The following EFL1 variants were observed in gnomAD, a reference collection of about 807,000 sequenced individuals.
The protein encoded by EFL1 is elongation factor-like GTPase 1.
In EFL1, 76 loss-of-function variants were observed where a neutral mutation model predicts 126.7. The observed-to-expected ratio is 0.60, with a 90% CI of 0.50 to 0.73. The LOEUF (loss-of-function observed/expected upper bound fraction) is 0.73. Ranked by LOEUF, EFL1 falls within the 30% of genes least tolerant of loss-of-function variation. EFL1 has a pLI of 0.00. For synonymous variants in EFL1, 410 were observed against 448.4 expected (o/e 0.91, Z 1.08); for missense variants, 1,128 against 1,343.2 (o/e 0.84, Z 2.50).
chr15:82,205,811 T>G (rs1245010165), intron 15 of EFL1, among the ~76,000 whole-genome samples: 2 of 152,222 alleles, frequency 1.3e-5, no homozygotes, highest in African/African-American at 4.8e-5. Flanking sequence ...ATGGGCTTAT[T>G]AGTAGATAAA....
At chr15:82,211,461 G>A (rs1220191951) in intron 15 of EFL1, among the ~76,000 whole-genome samples, 3 of 151,096 alleles carry the variant, frequency 2.0e-5, no homozygotes, top group African/African-American at 7.3e-5. Flanking sequence ...GGGAGGCGGA[G>A]GTTACAGTGA....
At chr15:82,161,795 T>A (rs117170201) in intron 16 of EFL1, among the ~76,000 whole-genome samples, 2,279 of 152,274 alleles carry the variant, frequency 0.015, 24 homozygotes, top group East Asian at 0.024. Context: ...AGGAACTTAA[T>A]CTTACTATGA....
chr15:82,199,255 C>T (rs2074441687), intron 15 of EFL1, among the ~76,000 whole-genome samples: 1 of 151,984 alleles, frequency 6.6e-6, no homozygotes, highest in Non-Finnish European at 1.5e-5. Flanking sequence ...TAAAGGCCAC[C>T]CAGGTATATT....
intron 13 of EFL1, 115 bp from the exon 14 acceptor site, chr15:82,219,933 AG>A: frequency 6.7e-7 from 1 of 1,489,228 alleles, no homozygotes; most frequent in Non-Finnish European, 9.0e-7. Flanking sequence ...AGGAAAAAAA[AG>A]AAAACAAAAC....
chr15:82,228,946 A>G, intron 9 of EFL1, 88 bp downstream of exon 9: 4 of 1,099,242 alleles, frequency 3.6e-6, no homozygotes, highest in South Asian at 1.6e-5. Context: ...AGAAAATCTC[A>G]GCTTTCTGAA....
intron 3 of EFL1, among the ~76,000 whole-genome samples, 169 bp downstream of exon 3, chr15:82,258,919 A>C (rs2075089070): frequency 6.6e-6 from 1 of 152,252 alleles, no homozygotes. Context: ...TACAGAAGTA[A>C]CTATTTTTCT....
intron 19 of EFL1, among the ~76,000 whole-genome samples, chr15:82,138,425 A>AGAGAGAGTATGT: frequency 2.2e-5 from 1 of 46,244 alleles, no homozygotes; most frequent in South Asian, 6.9e-4. Flanking sequence ...AGAGAGAGAG[A>AGAGAGAGTATGT]GTGTATGTGT....
At chr15:82,140,912 C>T (rs2073779828) in intron 18 of EFL1, among the ~76,000 whole-genome samples, 1 of 152,166 alleles carries the variant, frequency 6.6e-6, no homozygotes, top group Admixed American at 6.5e-5. Flanking sequence ...CCCAGGGTAG[C>T]CCATTCCATC....
intron 14 of EFL1, among the ~76,000 whole-genome samples, chr15:82,218,309 G>GTT (rs930180670): frequency 1.3e-5 from 2 of 151,472 alleles, no homozygotes; most frequent in Non-Finnish European, 2.9e-5. Context: ...AATATTTCAG[G>GTT]TTTTTTTTTA....
chr15:82,236,345 G>T (rs906067215), intron 7 of EFL1, among the ~76,000 whole-genome samples: 1 of 152,102 alleles, frequency 6.6e-6, no homozygotes, highest in Admixed American at 6.5e-5. Context: ...AAAGGCAAAG[G>T]CCTTGAACAG....
At chr15:82,188,353 C>A (rs980212720) in intron 15 of EFL1, among the ~76,000 whole-genome samples, 1 of 151,898 alleles carries the variant, frequency 6.6e-6, no homozygotes, top group Non-Finnish European at 1.5e-5. Context: ...ATTTTCTTAT[C>A]TTTTTTCCTC....
chr15:82,207,657 T>C (rs1282485805), intron 15 of EFL1, among the ~76,000 whole-genome samples: 1 of 151,866 alleles, frequency 6.6e-6, no homozygotes, highest in East Asian at 1.9e-4. Context: ...GTTACCCCTA[T>C]AGTAAGCAAT....
At chr15:82,233,695 G>C (rs2074845237) in intron 7 of EFL1, 1 of 152,126 alleles carries the variant, frequency 6.6e-6, no homozygotes, top group African/African-American at 2.4e-5. Context: ...GCTTTTCAGA[G>C]CAGACTCTCC....
intron 15 of EFL1, among the ~76,000 whole-genome samples, chr15:82,189,141 G>C (rs1314788148): frequency 6.6e-6 from 1 of 152,108 alleles, no homozygotes; most frequent in Admixed American, 6.5e-5. Context: ...CCGTGTTACT[G>C]TACCGAGTAC....
chr15:82,231,060 T>G (rs1277848996), intron 7 of EFL1, 89 bp from the exon 8 acceptor site: 3 of 1,443,366 alleles, frequency 2.1e-6, no homozygotes, highest in East Asian at 4.6e-5. Flanking sequence ...ACACGTGTAT[T>G]ACTAAACTTA....
chr15:82,138,430 A>ATGTGTG (rs10675439), intron 19 of EFL1, among the ~76,000 whole-genome samples: 15,593 of 145,814 alleles, frequency 0.11, 896 homozygotes, highest in African/African-American at 0.13. Flanking sequence ...GAGAGAGTGT[A>ATGTGTG]TGTGTGTGTG....
chr15:82,178,357 T>C (rs1595962774), intron 15 of EFL1, among the ~76,000 whole-genome samples: 1 of 152,338 alleles, frequency 6.6e-6, no homozygotes, highest in Non-Finnish European at 1.5e-5. Flanking sequence ...CTGGGCATCC[T>C]AGTGGAAATT....
At chr15:82,136,621 TA>T (rs1179220853) in intron 19 of EFL1, among the ~76,000 whole-genome samples, 1 of 152,194 alleles carries the variant, frequency 6.6e-6, no homozygotes, top group Non-Finnish European at 1.5e-5. Context: ...ACATTTGCAC[TA>T]CAGACATAGT....
chr15:82,206,135 T>C (rs753682385), intron 15 of EFL1, among the ~76,000 whole-genome samples: 15 of 152,254 alleles, frequency 9.9e-5, no homozygotes, highest in South Asian at 4.1e-4. Flanking sequence ...AAAGAGAATA[T>C]AGCATATCAA....
Sources: allele counts gnomAD v4.1 joint callset (sites outside exome capture counted in the v4.1 genomes callset), GRCh38; gene constraint gnomAD v4.1.1; transcripts MANE v1.5; gene names NCBI Gene and HGNC (gene_info 2026-07-23, HGNC 2026-07-21).